Variants in RSU1 observed in about 807,000 individuals in gnomAD.
RSU1 encodes the protein rsu-1.
A neutral mutation model predicts 31.1 loss-of-function variants in RSU1; 26 were observed. The ratio of observed to expected loss-of-function variants is 0.84; its 90% CI spans 0.61 to 1.16. The LOEUF is 1.16. RSU1 is among the 50% of genes most tolerant of loss of function. The pLI is 0.00. For synonymous variants in RSU1, 164 were observed against 136.3 expected, an observed-to-expected ratio of 1.20 and a Z score of -1.41; for missense variants, 320 against 339.1, an observed-to-expected ratio of 0.94 and a Z score of 0.44.
At chr10:16,660,306 G>A (rs756219267) in intron 8 of RSU1, among the ~76,000 whole-genome samples, 1 of 152,156 alleles carries the variant, frequency 6.6e-6, no homozygotes, top group East Asian at 1.9e-4. Flanking sequence ...GGGAGCAGGG[G>A]GAATTGGCTT....
chr10:16,600,972 C>G (rs12265321), intron 8 of RSU1, among the ~76,000 whole-genome samples: 1,551 of 152,274 alleles, frequency 0.01, 32 homozygotes, highest in African/African-American at 0.034. Flanking sequence ...AAGACCCCAC[C>G]CCGCGGAGCC....
intron 2 of RSU1, among the ~76,000 whole-genome samples, chr10:16,803,197 C>A (rs1838193057): frequency 1.3e-5 from 2 of 152,070 alleles, no homozygotes; most frequent in South Asian, 4.1e-4. Context: ...AGGTAATATA[C>A]AAAGGCAATT....
At chr10:16,658,844 G>C (rs545211050) in intron 8 of RSU1, among the ~76,000 whole-genome samples, 2 of 152,180 alleles carry the variant, frequency 1.3e-5, no homozygotes, top group African/African-American at 4.8e-5. Flanking sequence ...ATACATGTCT[G>C]CCTTGGTCTT....
chr10:16,797,859 T>TTC (rs1588542556), intron 2 of RSU1, among the ~76,000 whole-genome samples: 13 of 67,988 alleles, frequency 1.9e-4, no homozygotes, highest in South Asian at 1.3e-3. Flanking sequence ...ATTTCTTCTT[T>TTC]TTTTTTTTTT....
intron 8 of RSU1, among the ~76,000 whole-genome samples, chr10:16,676,349 G>A (rs1277745362): frequency 1.3e-5 from 2 of 152,174 alleles, no homozygotes; most frequent in African/African-American, 2.4e-5. Context: ...CATGGTGGCA[G>A]GCAAGAGACT....
chr10:16,598,387 T>TAAA (rs113857797), intron 8 of RSU1, among the ~76,000 whole-genome samples: 7 of 143,144 alleles, frequency 4.9e-5, no homozygotes, highest in African/African-American at 1.8e-4. Flanking sequence ...AAAAGTAAAG[T>TAAA]AAAAAAAAAA....
At chr10:16,619,298 A>G (rs1044336271) in intron 8 of RSU1, among the ~76,000 whole-genome samples, 1 of 152,202 alleles carries the variant, frequency 6.6e-6, no homozygotes, top group Non-Finnish European at 1.5e-5. Context: ...GCATGTTTTC[A>G]CCTCACAGTC....
chr10:16,723,841 T>C (rs1225736439), intron 7 of RSU1, among the ~76,000 whole-genome samples: 1 of 152,182 alleles, frequency 6.6e-6, no homozygotes, highest in African/African-American at 2.4e-5. Context: ...CGTGCAGAGA[T>C]ATACCAACAT....
intron 8 of RSU1, among the ~76,000 whole-genome samples, chr10:16,633,769 C>G (rs1361899610): frequency 6.6e-6 from 1 of 152,184 alleles, no homozygotes; most frequent in Non-Finnish European, 1.5e-5. Context: ...CTTTTCAATG[C>G]TCACACTCCT....
At chr10:16,706,228 C>T (rs779648647) in intron 7 of RSU1, among the ~76,000 whole-genome samples, 1 of 152,154 alleles carries the variant, frequency 6.6e-6, no homozygotes, top group African/African-American at 2.4e-5. Flanking sequence ...CCATTTCCAC[C>T]AACAGTGCTC....
chr10:16,693,433 C>T (rs1835604962), intron 8 of RSU1, among the ~76,000 whole-genome samples: 1 of 150,342 alleles, frequency 6.7e-6, no homozygotes, highest in Non-Finnish European at 1.5e-5. Context: ...TGGCCTGGCA[C>T]AGATTCACAG....
chr10:16,630,865 G>A (rs1206813145), intron 8 of RSU1, among the ~76,000 whole-genome samples: 2 of 152,090 alleles, frequency 1.3e-5, no homozygotes, highest in African/African-American at 4.8e-5. Context: ...GCTTTACATA[G>A]AAATAGCCAA....
intron 7 of RSU1, among the ~76,000 whole-genome samples, chr10:16,744,930 T>G (rs1406754064): frequency 6.6e-6 from 1 of 152,212 alleles, no homozygotes; most frequent in Non-Finnish European, 1.5e-5. Flanking sequence ...TGCCTCAGTT[T>G]TCACACAGGA....
intron 2 of RSU1, among the ~76,000 whole-genome samples, chr10:16,803,160 A>G (rs1024127544): frequency 1.3e-5 from 2 of 152,166 alleles, no homozygotes; most frequent in Non-Finnish European, 2.9e-5. Flanking sequence ...ACTGAAACTA[A>G]TAACTACAGC....
At chr10:16,783,658 G>A (rs1837706642) in intron 2 of RSU1, among the ~76,000 whole-genome samples, 2 of 148,318 alleles carry the variant, frequency 1.3e-5, no homozygotes, top group African/African-American at 4.9e-5. Flanking sequence ...CCGGCCGCAT[G>A]TTTTTTTTTT....
chr10:16,704,852 A>C (rs985754629), intron 7 of RSU1, among the ~76,000 whole-genome samples: 2 of 151,980 alleles, frequency 1.3e-5, no homozygotes, highest in African/African-American at 2.4e-5. Flanking sequence ...CCCACTTTTT[A>C]TTTGCATTAA....
intron 8 of RSU1, among the ~76,000 whole-genome samples, chr10:16,635,818 C>T (rs745580745): frequency 3.3e-5 from 5 of 152,240 alleles, no homozygotes; most frequent in East Asian, 3.8e-4. Context: ...AGCCCCATTT[C>T]GTCACCAAAG....
chr10:16,691,497 A>G (rs1406453556), intron 8 of RSU1, among the ~76,000 whole-genome samples: 1 of 151,818 alleles, frequency 6.6e-6, no homozygotes, highest in Non-Finnish European at 1.5e-5. Context: ...GGAGAATGAC[A>G]GAAGGACAAA....
At chr10:16,800,617 C>A (rs182402194) in intron 2 of RSU1, among the ~76,000 whole-genome samples, 27 of 152,200 alleles carry the variant, frequency 1.8e-4, no homozygotes, top group Admixed American at 1.6e-3. Context: ...GCGTAACAGG[C>A]ATGTTGGTTG....
Sources: gnomAD v4.1 joint callset for allele counts (sites outside exome capture counted in the v4.1 genomes callset) on GRCh38, gnomAD v4.1.1 for gene constraint, MANE v1.5 for transcripts, NCBI Gene and HGNC (gene_info 2026-07-23, HGNC 2026-07-21) for gene names.